SBF2: variants seen among roughly 807,000 people sequenced by gnomAD.
SBF2 encodes myotubularin-related protein 13.
Under a neutral mutation model 225.2 loss-of-function variants are expected in SBF2, and 112 were observed. The ratio of observed to expected loss-of-function variants is 0.50; its 90% CI spans 0.43 to 0.58. SBF2 has a LOEUF of 0.58. SBF2 is among the 20% of genes least tolerant of loss of function. The probability of loss-of-function intolerance (pLI) is 0.00; values close to 1 mark genes in which losing one functional copy is unlikely to be tolerated. For synonymous variants in SBF2, 763 were observed against 773.3 expected (o/e 0.99, Z 0.22); for missense variants, 1,996 against 2,206.2 (o/e 0.90, Z 1.91).
chr11:10,182,097 G>C (rs1226674448), intron 2 of SBF2, among the ~76,000 whole-genome samples: 2 of 152,078 alleles, frequency 1.3e-5, no homozygotes, highest in Non-Finnish European at 2.9e-5. Context: ...ACCATACATG[G>C]TAATATCCGT....
chr11:10,055,408 T>C (rs1950216578), intron 2 of SBF2, among the ~76,000 whole-genome samples: 1 of 151,930 alleles, frequency 6.6e-6, no homozygotes, highest in African/African-American at 2.4e-5. Flanking sequence ...GGAAAAGAAT[T>C]CAGTATATGA....
chr11:10,218,277 G>A (rs949591471), intron 1 of SBF2, among the ~76,000 whole-genome samples: 3 of 150,658 alleles, frequency 2.0e-5, no homozygotes, highest in South Asian at 2.1e-4. Flanking sequence ...ATCAGATCTC[G>A]ACAGACTTAT....
intron 2 of SBF2, among the ~76,000 whole-genome samples, chr11:10,054,062 C>T (rs1302150479): frequency 2.0e-5 from 3 of 152,220 alleles, no homozygotes; most frequent in Admixed American, 1.3e-4. Flanking sequence ...TTTTAATAAG[C>T]AGCTTTTGAT....
intron 16 of SBF2, among the ~76,000 whole-genome samples, chr11:9,935,317 A>ATGGAAGAACATTCCATGCTCATGGAT (rs1352654415): frequency 3.3e-5 from 5 of 152,204 alleles, no homozygotes; most frequent in African/African-American, 4.8e-5. Context: ...ACACAAAGAA[A>ATGGAAGAACATTCCATGCTCATGGAT]TGGAAGAACA....
At position 9,929,080 on chromosome 11, in the gene SBF2, G is replaced by T. The variant is rs535737336; in HGVS notation, c.1860+32877C>A. 6.3e-4 allele frequency: 236 copies of T among 377,586 alleles called. 1 individual carries two copies. Among genetic ancestry groups the T allele is most frequent in the African/African-American group, 4.6e-3 (220 of 47,672 alleles). 23.4% of individuals were successfully genotyped at this position (377,586 alleles called of 1,614,324 possible). A position where few individuals can be genotyped will look rare whatever the true frequency, so the allele number is the denominator to read the frequency against. ...GGAGAAGAGGAAGATGAGGAGTGTAGTGACCAGCCATTAGAAGTTGACAAC... is the reference window on the plus strand; with the variant it reads ...GGAGAAGAGGAAGATGAGGAGTGTATTGACCAGCCATTAGAAGTTGACAAC... On this transcript the variant is annotated intron_variant, in intron 16 of 39. Transcript: ENST00000256190.
At chr11:9,795,284 G>A (rs1268061905) in intron 33 of SBF2, among the ~76,000 whole-genome samples, 1 of 152,218 alleles carries the variant, frequency 6.6e-6, no homozygotes, top group Non-Finnish European at 1.5e-5. Context: ...AAGAGGCTAA[G>A]TGACTGTGTG....
chr11:10,182,846 T>G (rs902464721), intron 2 of SBF2, among the ~76,000 whole-genome samples: 1 of 152,086 alleles, frequency 6.6e-6, no homozygotes, highest in Non-Finnish European at 1.5e-5. Flanking sequence ...ATGTCTCGTC[T>G]CACTGCAACC....
At chr11:9,808,800 A>G in intron 31 of SBF2, 101 bp downstream of exon 31, 2 of 890,678 alleles carry the variant, frequency 2.2e-6, no homozygotes, top group South Asian at 2.9e-5. Flanking sequence ...CTCTGTCCAT[A>G]AACACATTAG....
chr11:9,865,688 C>CAAAAAAAAA lies in SBF2; in HGVS notation c.1930-7301_1930-7293dup, dbSNP rs1174863548. 4.2e-3 allele frequency among the ~76,000 whole-genome samples: 63 copies of CAAAAAAAAA among 14,840 alleles called. 20 individuals are homozygous for CAAAAAAAAA. Among genetic ancestry groups the CAAAAAAAAA allele is most frequent in the South Asian group, 0.02 (4 of 204 alleles). The allele number at this position is 14,840 out of a possible 152,430, so 9.7% of individuals were successfully genotyped here. A position where few individuals can be genotyped will look rare whatever the true frequency, so the allele number is the denominator to read the frequency against. On this transcript the variant is annotated intron_variant, in intron 17 of 39. Coordinates refer to ENST00000256190, the MANE Select transcript of SBF2 (RefSeq NM_030962.4). ...CCTGGATGACAGAGCAAAACTGTCT[C>CAAAAAAAAA]AAAAAAAAAAAAAAAAAAAAAAAAA...
At chr11:10,230,142 CTTTT>C (rs926852846) in intron 1 of SBF2, among the ~76,000 whole-genome samples, 2 of 152,038 alleles carry the variant, frequency 1.3e-5, no homozygotes, top group Admixed American at 6.6e-5. Context: ...CAATCCCTGC[CTTTT>C]TTTGTTTTCC....
chr11:10,269,618 C>A (rs1180590672), intron 1 of SBF2, among the ~76,000 whole-genome samples: 1 of 152,212 alleles, frequency 6.6e-6, no homozygotes, highest in East Asian at 1.9e-4. Context: ...CACAACATCT[C>A]TATGAGGTAG....
chr11:9,952,069 A>C (rs1565049904), intron 16 of SBF2, among the ~76,000 whole-genome samples: 1 of 152,226 alleles, frequency 6.6e-6, no homozygotes, highest in African/African-American at 2.4e-5. Flanking sequence ...ACAGTTTTAC[A>C]ATCTCTTGCC....
chr11:9,882,137 T>C (rs1210741608), intron 17 of SBF2, among the ~76,000 whole-genome samples: 2 of 152,130 alleles, frequency 1.3e-5, no homozygotes, highest in Non-Finnish European at 2.9e-5. Context: ...TCCAGACCAA[T>C]ACAAATGTCA....
chr11:10,133,656 C>T (rs1954206349), intron 2 of SBF2, among the ~76,000 whole-genome samples: 1 of 150,324 alleles, frequency 6.7e-6, no homozygotes, highest in Non-Finnish European at 1.5e-5. Flanking sequence ...GCAAGTGCCG[C>T]ACACAGCCCC....
intron 14 of SBF2, among the ~76,000 whole-genome samples, chr11:9,965,919 A>G (rs1866878251): frequency 6.6e-6 from 1 of 152,200 alleles, no homozygotes; most frequent in Non-Finnish European, 1.5e-5. Context: ...CATTAACTGA[A>G]AATCTATCTA....
intron 1 of SBF2, among the ~76,000 whole-genome samples, chr11:10,234,238 T>C (rs1958970880): frequency 6.6e-6 from 1 of 152,208 alleles, no homozygotes; most frequent in African/African-American, 2.4e-5. Context: ...TAGTTGTTTT[T>C]ACCCCTCATT....
chr11:10,176,393 C>A (rs369962261), intron 2 of SBF2, among the ~76,000 whole-genome samples: 4 of 151,860 alleles, frequency 2.6e-5, no homozygotes, highest in African/African-American at 7.3e-5. Context: ...AAAATTAATG[C>A]ATCCAGGAGC....
At chr11:10,114,216 CATA>C (rs753321495) in intron 2 of SBF2, among the ~76,000 whole-genome samples, 6 of 152,252 alleles carry the variant, frequency 3.9e-5, no homozygotes, top group African/African-American at 4.8e-5. Context: ...TGAGATATAA[CATA>C]ATAAGTGCTC....
At chr11:9,921,081 T>TTTC in intron 16 of SBF2, among the ~76,000 whole-genome samples, 1 of 149,170 alleles carries the variant, frequency 6.7e-6, no homozygotes, top group East Asian at 1.9e-4. Context: ...TTTTTTTTTT[T>TTTC]TTTTTGGAGC....
Sources: allele counts gnomAD v4.1 joint callset (sites outside exome capture counted in the v4.1 genomes callset), GRCh38; gene constraint gnomAD v4.1.1; transcripts MANE v1.5; gene names NCBI Gene and HGNC (gene_info 2026-07-23, HGNC 2026-07-21).